The following RABGAP1L variants were observed in gnomAD, a reference collection of about 807,000 sequenced individuals.
RABGAP1L encodes the protein RAB GTPase activating protein 1 like, also known as rab GTPase-activating protein 1-like.
Under a neutral mutation model 137.7 loss-of-function variants are expected in RABGAP1L, and 63 were observed. The observed-to-expected ratio is 0.46, with a 90% CI of 0.37 to 0.56. RABGAP1L has a LOEUF of 0.56. Among genes scored for constraint, RABGAP1L ranks in the 20% least tolerant of loss-of-function variants. The pLI, the probability that RABGAP1L is intolerant of heterozygous loss-of-function variation, is 0.00. For missense variants in RABGAP1L, 1,095 were observed against 1,244.0 expected (o/e 0.88, Z 1.80); for synonymous variants, 431 against 433.7 (o/e 0.99, Z 0.08).
chr1:174,516,134 C>CAA (rs1662818345), intron 13 of RABGAP1L, among the ~76,000 whole-genome samples: 1 of 139,726 alleles, frequency 7.2e-6, no homozygotes. Context: ...CACACACACA[C>CAA]ACACACACAC....
At chr1:174,614,561 G>T (rs1671602992) in intron 13 of RABGAP1L, among the ~76,000 whole-genome samples, 1 of 152,148 alleles carries the variant, frequency 6.6e-6, no homozygotes, top group African/African-American at 2.4e-5. Flanking sequence ...GTGGCTTGGA[G>T]TTGCTCTTCT....
At chr1:174,800,155 G>A (rs558133848) in intron 18 of RABGAP1L, 13 of 1,375,800 alleles carry the variant, frequency 9.4e-6, no homozygotes, top group Admixed American at 6.6e-5. Context: ...TGGGGTTCTC[G>A]CAGTGGATAA....
At chr1:174,754,214 A>G (rs150715429) in intron 18 of RABGAP1L, among the ~76,000 whole-genome samples, 215 of 152,278 alleles carry the variant, frequency 1.4e-3, no homozygotes, top group African/African-American at 4.9e-3. Flanking sequence ...AGATAAAAAG[A>G]GCCTTCTCAC....
At chr1:174,378,059 G>A (rs1685732408) in intron 12 of RABGAP1L, among the ~76,000 whole-genome samples, 1 of 145,440 alleles carries the variant, frequency 6.9e-6, no homozygotes, top group Non-Finnish European at 1.5e-5. Context: ...TCTTGCGATA[G>A]TTTACTGAGA....
chr1:174,329,492 A>G (rs962691780), intron 11 of RABGAP1L, among the ~76,000 whole-genome samples: 9 of 152,322 alleles, frequency 5.9e-5, no homozygotes, highest in African/African-American at 1.9e-4. Flanking sequence ...TGAGACCAGC[A>G]TTGTCTTGAT....
At chr1:174,661,768 C>G (rs910593436) in intron 14 of RABGAP1L, among the ~76,000 whole-genome samples, 14 of 152,004 alleles carry the variant, frequency 9.2e-5, no homozygotes, top group Non-Finnish European at 5.9e-5. Context: ...CAATGGTGGT[C>G]CCATAAGATT....
At chr1:174,494,879 T>C (rs1037570995) in intron 13 of RABGAP1L, among the ~76,000 whole-genome samples, 2 of 152,020 alleles carry the variant, frequency 1.3e-5, no homozygotes, top group African/African-American at 4.8e-5. Flanking sequence ...CAAGTCAAAG[T>C]TGGGGAGACT....
At chr1:174,507,125 G>A (rs1406369287) in intron 13 of RABGAP1L, among the ~76,000 whole-genome samples, 1 of 152,160 alleles carries the variant, frequency 6.6e-6, no homozygotes, top group East Asian at 1.9e-4. Flanking sequence ...GAAAATATGA[G>A]AAGAAATAGC....
At chr1:174,878,114 C>T (rs971434870) in intron 19 of RABGAP1L, among the ~76,000 whole-genome samples, 2 of 152,114 alleles carry the variant, frequency 1.3e-5, no homozygotes, top group Non-Finnish European at 2.9e-5. Context: ...AGTGTGTGTG[C>T]ATGTCCTGGC....
intron 1 of RABGAP1L, among the ~76,000 whole-genome samples, chr1:174,192,321 T>G (rs1389726166): frequency 1.3e-5 from 1 of 76,382 alleles, no homozygotes; most frequent in African/African-American, 6.0e-5. Flanking sequence ...CTGAGGTGTT[T>G]TTTTTTTTTT....
intron 1 of RABGAP1L, among the ~76,000 whole-genome samples, chr1:174,172,860 C>A (rs1665527701): frequency 6.6e-6 from 1 of 151,986 alleles, no homozygotes; most frequent in African/African-American, 2.4e-5. Context: ...TTGATGTAGT[C>A]CTACTTATTT....
intron 13 of RABGAP1L, among the ~76,000 whole-genome samples, chr1:174,439,144 G>A (rs984501437): frequency 1.3e-5 from 2 of 151,018 alleles, no homozygotes; most frequent in African/African-American, 2.4e-5. Flanking sequence ...TCCCAGTCTC[G>A]GGAAGAAAGC....
intron 1 of RABGAP1L, among the ~76,000 whole-genome samples, chr1:174,166,230 G>GT (rs141862311): frequency 0.074 from 11,081 of 148,944 alleles, 599 homozygotes; most frequent in East Asian, 0.32. Context: ...GAGAGACAGT[G>GT]TTTTTTTTTT....
chr1:174,681,655 T>C (rs925429305), intron 14 of RABGAP1L, among the ~76,000 whole-genome samples: 3 of 152,200 alleles, frequency 2.0e-5, no homozygotes, highest in African/African-American at 7.2e-5. Context: ...CTCAAGGAAC[T>C]GTACAATTAA....
chr1:174,635,163 T>A (rs1041922666), intron 13 of RABGAP1L, among the ~76,000 whole-genome samples: 1 of 152,196 alleles, frequency 6.6e-6, no homozygotes, highest in African/African-American at 2.4e-5. Context: ...AATCAGACTA[T>A]TGGAACCATT....
intron 13 of RABGAP1L, among the ~76,000 whole-genome samples, chr1:174,404,358 A>T (rs1437865497): frequency 2.6e-5 from 4 of 152,144 alleles, no homozygotes; most frequent in African/African-American, 7.2e-5. Context: ...TTAATGAGTT[A>T]GCTTGGGTTA....
At chr1:174,907,480 T>C (rs1001035406) in intron 19 of RABGAP1L, among the ~76,000 whole-genome samples, 1 of 151,936 alleles carries the variant, frequency 6.6e-6, no homozygotes, top group African/African-American at 2.4e-5. Context: ...ACCTGGCTCA[T>C]TTTTTTGTAT....
chr1:174,776,403 T>C (rs1332128743), intron 18 of RABGAP1L, among the ~76,000 whole-genome samples: 1 of 151,978 alleles, frequency 6.6e-6, no homozygotes, highest in Non-Finnish European at 1.5e-5. Flanking sequence ...AATAATAAAG[T>C]TGGTATTAGA....
chr1:174,804,694 G>A (rs1689104957), intron 18 of RABGAP1L, among the ~76,000 whole-genome samples: 1 of 152,150 alleles, frequency 6.6e-6, no homozygotes, highest in Non-Finnish European at 1.5e-5. Flanking sequence ...GTTATCTGGA[G>A]TTTGAATACA....
Sources: gnomAD v4.1 joint callset for allele counts (sites outside exome capture counted in the v4.1 genomes callset) on GRCh38, gnomAD v4.1.1 for gene constraint, MANE v1.5 for transcripts, NCBI Gene and HGNC (gene_info 2026-07-23, HGNC 2026-07-21) for gene names.